PSD3: variants seen among roughly 807,000 people sequenced by gnomAD.
The protein encoded by PSD3 is PH and SEC7 domain-containing protein 3.
Under a neutral mutation model 105.5 loss-of-function variants are expected in PSD3, and 49 were observed. The observed-to-expected ratio is 0.46, with a 90% CI of 0.37 to 0.59. The LOEUF is 0.59. PSD3 is among the 20% of genes least tolerant of loss of function. PSD3 has a pLI of 0.00. For synonymous variants in PSD3, 557 were observed against 457.8 expected, an observed-to-expected ratio of 1.22 and a Z score of -2.77; for missense variants, 1,561 against 1,263.8, an observed-to-expected ratio of 1.24 and a Z score of -3.57.
At position 18,671,510 on chromosome 8, in the gene PSD3, T is replaced by C. The variant is rs551828979; in HGVS notation, c.2173-15825A>G. ...GATCTGAGTGAATCACTTTCTTTCT[T>C]ATACAATGAATTAAAGGTTAACTTC... On this transcript the variant is annotated intron_variant, in intron 9 of 15. Coordinates refer to ENST00000327040, the MANE Select transcript of PSD3 (RefSeq NM_015310.4). Among the ~76,000 whole-genome samples the C allele has an allele frequency of 7.2e-5, 11 of 152,346 alleles. No homozygotes were observed. In the East Asian group the frequency reaches 1.4e-3, roughly 19 times the overall value.
chr8:18,707,799 G>C (rs1801991086), intron 9 of PSD3, among the ~76,000 whole-genome samples: 1 of 152,210 alleles, frequency 6.6e-6, no homozygotes. Flanking sequence ...AGATGGAAAA[G>C]TTTGGGATGG....
chr8:18,960,302 C>A (rs567630337), intron 1 of PSD3, among the ~76,000 whole-genome samples: 61 of 152,174 alleles, frequency 4.0e-4, no homozygotes, highest in African/African-American at 1.3e-3. Context: ...AGAAAGAGAA[C>A]GCATGACCAA....
chr8:18,558,823 AAAAAC>A lies in PSD3; in HGVS notation c.2785-2476_2785-2472del, dbSNP rs367982159. Among the ~76,000 whole-genome samples, 440 of 152,316 alleles carry A rather than the reference AAAAAC, an allele frequency of 2.9e-3. 3 individuals carry two copies. Among genetic ancestry groups the A allele is most frequent in the African/African-American group, 9.8e-3 (409 of 41,566 alleles). Reference sequence around the variant, plus strand: ...GTGACAGAGCAAGACTCCATCTCAAAAAAACAAAACAAAACAAAACCAGAAGTGTA... The same window carrying A: ...GTGACAGAGCAAGACTCCATCTCAAAAAAACAAAACAAAACCAGAAGTGTA... On this transcript the variant is annotated intron_variant, in intron 14 of 15. Transcript: ENST00000327040.
intron 4 of PSD3, among the ~76,000 whole-genome samples, chr8:18,829,649 G>C (rs997462370): frequency 1.2e-4 from 19 of 152,002 alleles, no homozygotes; most frequent in African/African-American, 4.6e-4. Context: ...TACTCCTCCT[G>C]CAAGGCTCAA....
At chr8:18,878,149 T>G (rs1044749789) in intron 2 of PSD3, among the ~76,000 whole-genome samples, 1 of 152,202 alleles carries the variant, frequency 6.6e-6, no homozygotes, top group Non-Finnish European at 1.5e-5. Context: ...AGCCATTTTT[T>G]TTTATAATTT....
intron 1 of PSD3, among the ~76,000 whole-genome samples, chr8:19,078,214 C>A (rs777966848): frequency 6.6e-6 from 1 of 151,840 alleles, no homozygotes; most frequent in Non-Finnish European, 1.5e-5. Context: ...AAAAGTCTTT[C>A]AAAGATAAAA....
chr8:18,587,406 C>T (rs1803276299), intron 12 of PSD3, among the ~76,000 whole-genome samples: 1 of 138,046 alleles, frequency 7.2e-6, no homozygotes, highest in Admixed American at 7.5e-5. Context: ...GTGATACCTT[C>T]ATCATTTGAA....
chr8:18,766,151 T>C (rs1358416562), intron 8 of PSD3, among the ~76,000 whole-genome samples: 1 of 151,736 alleles, frequency 6.6e-6, no homozygotes, highest in African/African-American at 2.4e-5. Flanking sequence ...CTGGCCAACA[T>C]GGCAAAATGC....
intron 8 of PSD3, among the ~76,000 whole-genome samples, chr8:18,768,062 G>A (rs1239103697): frequency 1.4e-5 from 2 of 145,146 alleles, no homozygotes; most frequent in African/African-American, 2.6e-5. Context: ...CTTGAGGTCA[G>A]GAGATTGAGA....
intron 1 of PSD3, among the ~76,000 whole-genome samples, chr8:19,010,889 C>T (rs1047959578): frequency 6.6e-6 from 1 of 151,682 alleles, no homozygotes; most frequent in Non-Finnish European, 1.5e-5. Flanking sequence ...AGCCAAGGAC[C>T]TCTGTGCTTG....
intron 11 of PSD3, among the ~76,000 whole-genome samples, chr8:18,601,558 A>C (rs947584415): frequency 6.6e-6 from 1 of 152,208 alleles, no homozygotes; most frequent in Non-Finnish European, 1.5e-5. Flanking sequence ...TCCTGCCAAC[A>C]CCATGCTGAG....
At position 18,644,346 on chromosome 8, in the gene PSD3, A is replaced by G. The variant is rs532971979; in HGVS notation, c.2216+11296T>C. On this transcript the variant is annotated intron_variant, in intron 10 of 15. Transcript: ENST00000327040. ...TGGTTAAAAGTAGCTACTTAGCTCC[A>G]TCAACATTTTGCTTTGAAATTTATT... Among the ~76,000 whole-genome samples the G allele has an allele frequency of 2.6e-5, 4 of 152,326 alleles. No individual in the cohort carries two copies. In the South Asian group the frequency reaches 8.3e-4, roughly 32 times the overall value.
At chr8:18,933,537 G>A (rs926752082) in intron 2 of PSD3, among the ~76,000 whole-genome samples, 6 of 152,022 alleles carry the variant, frequency 3.9e-5, no homozygotes, top group Non-Finnish European at 2.9e-5. Flanking sequence ...GCATGATCTC[G>A]GCTCACTGCA....
At chr8:18,898,551 C>T (rs1819297714) in intron 2 of PSD3, among the ~76,000 whole-genome samples, 2 of 151,708 alleles carry the variant, frequency 1.3e-5, no homozygotes, top group African/African-American at 2.4e-5. Context: ...TGAAAATCCA[C>T]ATAACTTTTG....
At chr8:18,935,081 G>T (rs972523310) in intron 2 of PSD3, among the ~76,000 whole-genome samples, 2 of 152,064 alleles carry the variant, frequency 1.3e-5, no homozygotes, top group African/African-American at 4.8e-5. Flanking sequence ...GGGGATAACG[G>T]TACCAACTTA....
chr8:19,013,458 C>A, intron 1 of PSD3, 105 bp downstream of exon 1: 1 of 1,502,856 alleles, frequency 6.7e-7, no homozygotes, highest in South Asian at 1.2e-5. Context: ...CCCAGGTGGC[C>A]CCGGGATCCT....
intron 1 of PSD3, chr8:18,989,387 G>C (rs545001663): frequency 8.7e-4 from 133 of 152,268 alleles, no homozygotes; most frequent in African/African-American, 3.1e-3. Context: ...AGACCAGAAG[G>C]AACTGAGAAG....
chr8:18,799,035 C>T (rs1315417889), intron 8 of PSD3: 1 of 378,012 alleles, frequency 2.6e-6, no homozygotes, highest in African/African-American at 2.1e-5. Flanking sequence ...CTGCCATCTA[C>T]TGGACAAAGA....
intron 1 of PSD3, among the ~76,000 whole-genome samples, chr8:19,056,389 G>C (rs7815407): frequency 0.38 from 57,721 of 152,020 alleles, 11,663 homozygotes; most frequent in South Asian, 0.46. Context: ...TTCAGTAGAA[G>C]AGAAGTCAGA....
Sources: allele counts gnomAD v4.1 joint callset (sites outside exome capture counted in the v4.1 genomes callset), GRCh38; gene constraint gnomAD v4.1.1; transcripts MANE v1.5; gene names NCBI Gene and HGNC (gene_info 2026-07-23, HGNC 2026-07-21).